The following CCDC148 variants were observed in gnomAD, a reference collection of about 807,000 sequenced individuals.
CCDC148 encodes coiled-coil domain-containing protein 148.
Under a neutral mutation model 85.7 loss-of-function variants are expected in CCDC148, and 89 were observed. That is an observed-to-expected ratio of 1.04 (90% CI 0.87 to 1.24). CCDC148 has a LOEUF of 1.24. Among genes scored for constraint, CCDC148 ranks in the 50% most tolerant of loss-of-function variants. The probability of loss-of-function intolerance (pLI) is 0.00; values close to 1 mark genes in which losing one functional copy is unlikely to be tolerated. For synonymous variants in CCDC148, 230 were observed against 213.9 expected, an observed-to-expected ratio of 1.08 and a Z score of -0.66; for missense variants, 692 against 671.7, an observed-to-expected ratio of 1.03 and a Z score of -0.33.
At chr2:158,379,001 T>C (rs1684766555) in intron 1 of CCDC148, among the ~76,000 whole-genome samples, 1 of 152,166 alleles carries the variant, frequency 6.6e-6, no homozygotes. Context: ...AGTCTTATTA[T>C]TTAAGAAACA....
At chr2:158,417,982 C>A (rs1231512634) in intron 1 of CCDC148, among the ~76,000 whole-genome samples, 1 of 151,982 alleles carries the variant, frequency 6.6e-6, no homozygotes, top group Admixed American at 6.6e-5. Context: ...TAGTTCAAAT[C>A]TAAAACAACT....
intron 9 of CCDC148, among the ~76,000 whole-genome samples, chr2:158,274,637 T>C (rs1025560161): frequency 1.3e-5 from 2 of 152,190 alleles, no homozygotes; most frequent in East Asian, 1.9e-4. Context: ...GGAGAGTAAA[T>C]GAAATATTAT....
intron 1 of CCDC148, among the ~76,000 whole-genome samples, chr2:158,402,875 T>A (rs1409491641): frequency 6.6e-6 from 1 of 152,080 alleles, no homozygotes; most frequent in Non-Finnish European, 1.5e-5. Context: ...TATTTGAAGG[T>A]CACGTGATTT....
intron 7 of CCDC148, among the ~76,000 whole-genome samples, chr2:158,317,322 C>T (rs1264032236): frequency 6.6e-6 from 1 of 152,092 alleles, no homozygotes; most frequent in African/African-American, 2.4e-5. Flanking sequence ...CGTAGCCTGC[C>T]AAGATTTTAC....
intron 9 of CCDC148, among the ~76,000 whole-genome samples, chr2:158,283,717 G>A (rs1690462347): frequency 6.6e-6 from 1 of 151,860 alleles, no homozygotes; most frequent in Non-Finnish European, 1.5e-5. Context: ...AGTCAGTGTG[G>A]CGATTCCTCA....
chr2:158,379,600 T>C (rs1330401390), intron 1 of CCDC148, among the ~76,000 whole-genome samples: 1 of 152,082 alleles, frequency 6.6e-6, no homozygotes, highest in Non-Finnish European at 1.5e-5. Context: ...AACTTCACTG[T>C]TGTCTTCCTT....
chr2:158,357,739 C>A (rs1380917128), intron 2 of CCDC148, among the ~76,000 whole-genome samples: 1 of 151,858 alleles, frequency 6.6e-6, no homozygotes, highest in Non-Finnish European at 1.5e-5. Flanking sequence ...ATAACAATTG[C>A]CTTCTATAAA....
chr2:158,228,904 A>G (rs1162958648), intron 10 of CCDC148, among the ~76,000 whole-genome samples: 5 of 151,788 alleles, frequency 3.3e-5, no homozygotes, highest in African/African-American at 9.7e-5. Context: ...GCACATGTAT[A>G]CATATGTAAC....
intron 1 of CCDC148, among the ~76,000 whole-genome samples, chr2:158,364,321 A>G (rs1684104615): frequency 6.6e-6 from 1 of 152,254 alleles, no homozygotes; most frequent in Non-Finnish European, 1.5e-5. Flanking sequence ...TTTAAACTTT[A>G]TATGGAACCA....
At chr2:158,395,827 A>C (rs1433886897) in intron 1 of CCDC148, among the ~76,000 whole-genome samples, 1 of 152,136 alleles carries the variant, frequency 6.6e-6, no homozygotes, top group Non-Finnish European at 1.5e-5. Context: ...ATCTATCCTC[A>C]CATGTCTAAC....
intron 11 of CCDC148, among the ~76,000 whole-genome samples, chr2:158,201,148 T>G (rs1685934103): frequency 6.6e-6 from 1 of 152,142 alleles, no homozygotes; most frequent in South Asian, 2.1e-4. Flanking sequence ...ACTTAAAAAT[T>G]ATAAGTTCTT....
intron 10 of CCDC148, among the ~76,000 whole-genome samples, chr2:158,237,307 C>T (rs1048460817): frequency 1.3e-5 from 2 of 152,044 alleles, no homozygotes; most frequent in Non-Finnish European, 1.5e-5. Context: ...AAGTCATTGA[C>T]GTGTTTTCTG....
At chr2:158,437,657 G>A (rs533462505) in intron 1 of CCDC148, among the ~76,000 whole-genome samples, 6 of 152,250 alleles carry the variant, frequency 3.9e-5, no homozygotes, top group Admixed American at 1.3e-4. Flanking sequence ...GAAATAAAGG[G>A]TATTCAATTA....
intron 9 of CCDC148, among the ~76,000 whole-genome samples, chr2:158,276,185 C>A (rs10187091): frequency 0.034 from 5,138 of 152,178 alleles, 123 homozygotes; most frequent in East Asian, 0.065. Flanking sequence ...AATCCCAGCA[C>A]TTTGGGAGGC....
chr2:158,325,615 C>T (rs1048317699), intron 7 of CCDC148, among the ~76,000 whole-genome samples: 1 of 151,500 alleles, frequency 6.6e-6, no homozygotes, highest in Non-Finnish European at 1.5e-5. Context: ...ATATAGCCAA[C>T]TGCATCCACA....
At chr2:158,272,021 G>T (rs1234728823) in intron 9 of CCDC148, among the ~76,000 whole-genome samples, 1 of 152,040 alleles carries the variant, frequency 6.6e-6, no homozygotes, top group Non-Finnish European at 1.5e-5. Flanking sequence ...TGTTTTATTT[G>T]ATCCTTCTTT....
intron 11 of CCDC148, among the ~76,000 whole-genome samples, chr2:158,208,679 T>C (rs1237615973): frequency 6.6e-6 from 1 of 151,954 alleles, no homozygotes; most frequent in East Asian, 1.9e-4. Flanking sequence ...CCGAAGGGAG[T>C]TGGGTTCCAA....
intron 10 of CCDC148, chr2:158,235,884 A>T (rs1469318815): frequency 6.6e-6 from 1 of 152,320 alleles, no homozygotes; most frequent in Non-Finnish European, 1.5e-5. Flanking sequence ...TTGGTGAAGG[A>T]CACAACTGGT....
chr2:158,437,080 CT>C (rs1687693081), intron 1 of CCDC148, among the ~76,000 whole-genome samples: 1 of 152,182 alleles, frequency 6.6e-6, no homozygotes, highest in Admixed American at 6.5e-5. Flanking sequence ...CCTTCTGAAA[CT>C]ATTCCAAATA....
Sources: gnomAD v4.1 joint callset for allele counts (sites outside exome capture counted in the v4.1 genomes callset) on GRCh38, gnomAD v4.1.1 for gene constraint, MANE v1.5 for transcripts, NCBI Gene and HGNC (gene_info 2026-07-23, HGNC 2026-07-21) for gene names.